BPIFB3: variants seen among roughly 807,000 people sequenced by gnomAD.
BPIFB3 encodes the protein BPI fold containing family B member 3.
A neutral mutation model predicts 53.1 loss-of-function variants in BPIFB3; 49 were observed. The ratio of observed to expected loss-of-function variants is 0.92; its 90% CI spans 0.73 to 1.17. The LOEUF (loss-of-function observed/expected upper bound fraction) is 1.17, where lower values mean the gene tolerates loss of function less well. BPIFB3 is among the 50% of genes most tolerant of loss of function. The pLI, the probability that BPIFB3 is intolerant of heterozygous loss-of-function variation, is 0.00. For missense variants in BPIFB3, 628 were observed against 592.5 expected (o/e 1.06, Z -0.62); for synonymous variants, 271 against 269.6 (o/e 1.01, Z -0.05).
chr20:33,071,820 C>T (rs1381383740), intron 12 of BPIFB3, among the ~76,000 whole-genome samples: 2 of 152,224 alleles, frequency 1.3e-5, no homozygotes, highest in Non-Finnish European at 2.9e-5. Context: ...TTCTTAGGCA[C>T]TGCCCACCTC....
At chr20:33,063,481 T>A in intron 5 of BPIFB3, 134 bp from the exon 7 acceptor site, 1 of 906,922 alleles carries the variant, frequency 1.1e-6, no homozygotes, top group South Asian at 1.4e-5. Flanking sequence ...GTGTGTCTTC[T>A]GTCTGTCTCT....
rs759751105 is a variant in BPIFB3, at chr20:33,068,788, C to T, written c.979-15C>T. Reference sequence around the variant, plus strand: ...AGTCCTGGGGCATCTAAGTTATGCCCCTGCATTTCTCCAGGCCCTGGGGAA... The same window carrying T: ...AGTCCTGGGGCATCTAAGTTATGCCTCTGCATTTCTCCAGGCCCTGGGGAA... On this transcript the variant is annotated splice_polypyrimidine_tract_variant and intron_variant, in intron 9 of 14. Coordinates refer to ENST00000375494, the Ensembl canonical transcript of BPIFB3. 5 of 1,611,070 alleles carry T rather than the reference C, an allele frequency of 3.1e-6. No individual in the cohort carries two copies. The highest frequency in any genetic ancestry group is 1.3e-5 in the African/African-American group (1 of 74,990).
At position 33,061,337 on chromosome 20, in the gene BPIFB3, ATCATTCATTCAT is replaced by A. The variant is rs4012503; in HGVS notation, c.528-406_528-395del. The stretch of plus-strand genomic sequence containing the variant: ...GTCTACATGCACTTATCCTCAGGCC[ATCATTCATTCAT>A]TCATTCATTCATTCATTCATTCATC... On this transcript the variant is annotated intron_variant, in intron 4 of 14. Coordinates refer to ENST00000375494, the Ensembl canonical transcript of BPIFB3. Among the ~76,000 whole-genome samples, 771 of 151,266 alleles carry A rather than the reference ATCATTCATTCAT, an allele frequency of 5.1e-3. 4 individuals carry two copies. Among genetic ancestry groups the A allele is most frequent in the Non-Finnish European group, 5.4e-3 (369 of 67,850 alleles).
At chr20:33,055,366 G>A (rs1212656613), upstream of BPIFB3, 5 of 1,597,040 alleles carry the variant, frequency 3.1e-6, no homozygotes, top group Non-Finnish European at 3.4e-6. Context: ...GGAACAGAGA[G>A]GGGAAAGGCT....
chr20:33,071,223 G>C, intron 11 of BPIFB3, 30 bp from the exon 13 acceptor site: 1 of 1,545,732 alleles, frequency 6.5e-7, no homozygotes, highest in Non-Finnish European at 8.7e-7. Flanking sequence ...GGGGTAGCGG[G>C]GGCCCCAGCA....
At chr20:33,056,083 A>G (rs561194637) in intron 1 of BPIFB3, among the ~76,000 whole-genome samples, 5 of 152,314 alleles carry the variant, frequency 3.3e-5, no homozygotes, top group African/African-American at 7.2e-5. Flanking sequence ...GGAGAGAAGC[A>G]GAGACCATCT....
chr20:33,064,684 GC>G lies in BPIFB3; in HGVS notation c.764del (p.Ala255ValfsTer26). On this transcript the variant is annotated frameshift_variant, in exon 8 of 15. Coordinates refer to ENST00000375494, the Ensembl canonical transcript of BPIFB3. LOFTEE classifies it high-confidence loss of function. Reference sequence around the variant, plus strand: ...CCTGCAGCCTATCGTGAAGAGTGTAGCTGGTGATATCATTGACTTCCCCAAG... The same window carrying G: ...CCTGCAGCCTATCGTGAAGAGTGTAGTGGTGATATCATTGACTTCCCCAAG... The G allele has an allele frequency of 6.2e-7, 1 of 1,613,998 alleles. No homozygotes were observed. The highest frequency in any genetic ancestry group is 8.5e-7 in the Non-Finnish European group (1 of 1,179,982).
intron 6 of BPIFB3, among the ~76,000 whole-genome samples, chr20:33,064,145 G>A (rs1301126669): frequency 6.6e-6 from 1 of 152,190 alleles, no homozygotes; most frequent in East Asian, 1.9e-4. Context: ...GAAAAGAATA[G>A]AAAACTTGGG....
At chr20:33,055,254 T>A (rs1052586584), upstream of BPIFB3, among the ~76,000 whole-genome samples, 1 of 152,212 alleles carries the variant, frequency 6.6e-6, no homozygotes, top group African/African-American at 2.4e-5. Context: ...CCGTGCCACC[T>A]GCGTGTTAGC....
intron 10 of BPIFB3, 81 bp from the exon 12 acceptor site, chr20:33,069,807 G>T: frequency 2.1e-6 from 3 of 1,409,658 alleles, no homozygotes; most frequent in Non-Finnish European, 3.0e-6. Flanking sequence ...GTTAGTGGAC[G>T]GAACAGATGG....
chr20:33,067,735 G>A (rs1015397184), intron 9 of BPIFB3, among the ~76,000 whole-genome samples: 1 of 152,208 alleles, frequency 6.6e-6, no homozygotes, highest in Non-Finnish European at 1.5e-5. Flanking sequence ...GCAGCAAGCT[G>A]GGCCTGCCCC....
intron 5 of BPIFB3, among the ~76,000 whole-genome samples, chr20:33,063,382 T>C (rs1265017918): frequency 1.3e-5 from 2 of 152,130 alleles, no homozygotes; most frequent in Non-Finnish European, 2.9e-5. Context: ...GGTTTTCTAA[T>C]GGGGCTCTTG....
At chr20:33,068,813 A>G (rs1187161347) in exon 10 of BPIFB3, 1 of 1,613,496 alleles carries the variant, frequency 6.2e-7, no homozygotes, top group East Asian at 2.2e-5. Context: ...GCCCTGGGGA[A>G]GCTGCCCCTG....
At chr20:33,067,699 G>T (rs898224963) in intron 9 of BPIFB3, among the ~76,000 whole-genome samples, 4 of 152,220 alleles carry the variant, frequency 2.6e-5, no homozygotes, top group African/African-American at 9.6e-5. Context: ...GGCAAGTGGA[G>T]TTGGCTGGGG....
chr20:33,056,587 T>C, exon 2 of BPIFB3: 2 of 1,614,008 alleles, frequency 1.2e-6, no homozygotes, highest in Non-Finnish European at 1.7e-6. Flanking sequence ...CAGAATGTGC[T>C]GGGATCGGTC....
At chr20:33,061,723 C>A in intron 4 of BPIFB3, 45 bp from the exon 6 acceptor site, 1 of 1,590,906 alleles carries the variant, frequency 6.3e-7, no homozygotes, top group South Asian at 1.1e-5. Context: ...CTGGGTTGAA[C>A]CGTCCACCTG....
At position 33,072,121 on chromosome 20, in the gene BPIFB3, ATGGCTCAGCCATG is replaced by A; in HGVS notation, c.1282_1294del (p.Leu428SerfsTer35). On this transcript the variant is annotated frameshift_variant, in exon 13 of 15. Transcript: ENST00000375494. LOFTEE classifies it high-confidence loss of function. ...TGTTGCAGGGATCGCGTTTAGAAGA[ATGGCTCAGCCATG>A]TGGTCGGGGCAGTGTATGCACCAAA... 1 of 1,614,140 alleles carries A rather than the reference ATGGCTCAGCCATG, an allele frequency of 6.2e-7. No homozygotes were observed. The highest frequency in any genetic ancestry group is 1.3e-5 in the African/African-American group (1 of 74,992).
exon 7 of BPIFB3, chr20:33,064,518 C>A: frequency 1.9e-6 from 3 of 1,614,096 alleles, no homozygotes; most frequent in Non-Finnish European, 2.5e-6. Context: ...TGCCTCTCAT[C>A]TCCAACCAGT....
At chr20:33,064,976 G>T (rs1980614906) in intron 8 of BPIFB3, 131 bp downstream of exon 9, 2 of 1,002,632 alleles carry the variant, frequency 2.0e-6, no homozygotes, top group Admixed American at 5.5e-5. Context: ...AGTTGAACAA[G>T]TTTAGAGTGT....
Sources: allele counts gnomAD v4.1 joint callset (sites outside exome capture counted in the v4.1 genomes callset), GRCh38; gene constraint gnomAD v4.1.1; transcripts MANE v1.5; gene names NCBI Gene and HGNC (gene_info 2026-07-23, HGNC 2026-07-21).